Variants in ATG7 observed in about 807,000 individuals in gnomAD.
ATG7 encodes the protein autophagy related 7, also known as ubiquitin-like modifier-activating enzyme ATG7.
ATG7 carries 70 observed loss-of-function variants against 82.4 expected under a neutral mutation model. That is an observed-to-expected ratio of 0.85 (90% CI 0.70 to 1.04). ATG7 has a LOEUF of 1.04. Among genes scored for constraint, ATG7 ranks in the 50% least tolerant of loss-of-function variants. ATG7 has a pLI of 0.00. For synonymous variants in ATG7, 287 were observed against 313.0 expected, an observed-to-expected ratio of 0.92 and a Z score of 0.88; for missense variants, 792 against 864.3, an observed-to-expected ratio of 0.92 and a Z score of 1.05.
At chr3:11,480,387 A>G (rs1195523113) in intron 20 of ATG7, among the ~76,000 whole-genome samples, 1 of 151,908 alleles carries the variant, frequency 6.6e-6, no homozygotes, top group Non-Finnish European at 1.5e-5. Context: ...AACATTTAAG[A>G]TTGGCTGGGC....
At chr3:11,566,589 C>T in the ATG7 span, among the ~76,000 whole-genome samples, 2 of 152,164 alleles carry the variant, frequency 1.3e-5, no homozygotes, top group Admixed American at 6.5e-5. Context: ...TGTTGTGTTC[C>T]GTAGTTCCAA....
intron 14 of ATG7, among the ~76,000 whole-genome samples, chr3:11,357,981 C>G (rs1036240421): frequency 1.3e-5 from 2 of 149,796 alleles, no homozygotes; most frequent in African/African-American, 2.5e-5. Flanking sequence ...TGCCCTCTAG[C>G]CTGGGTGACA....
intron 20 of ATG7, among the ~76,000 whole-genome samples, chr3:11,490,974 A>G (rs2090286954): frequency 6.6e-6 from 1 of 152,122 alleles, no homozygotes; most frequent in African/African-American, 2.4e-5. Context: ...CTTGAGGAGT[A>G]TCTTTGTGGT....
intron 7 of ATG7, among the ~76,000 whole-genome samples, chr3:11,310,221 C>CT (rs1948434072): frequency 6.6e-6 from 1 of 151,904 alleles, no homozygotes; most frequent in African/African-American, 2.4e-5. Context: ...CCATATTGAT[C>CT]TTTTCTCCTG....
At chr3:11,328,807 C>T (rs1318430078) in intron 9 of ATG7, among the ~76,000 whole-genome samples, 1 of 152,170 alleles carries the variant, frequency 6.6e-6, no homozygotes, top group African/African-American at 2.4e-5. Context: ...AATATTTAGG[C>T]CAGGCGCAGT....
chr3:11,313,839 A>G (rs974291072), intron 8 of ATG7, among the ~76,000 whole-genome samples: 4 of 152,170 alleles, frequency 2.6e-5, no homozygotes, highest in African/African-American at 7.2e-5. Flanking sequence ...GGCTCAAGCA[A>G]TCTGTCCACC....
At chr3:11,526,829 A>G (rs976135981) in intron 20 of ATG7, among the ~76,000 whole-genome samples, 4 of 152,192 alleles carry the variant, frequency 2.6e-5, no homozygotes, top group African/African-American at 9.6e-5. Flanking sequence ...GAATGAATCT[A>G]AAGTTTTACC....
chr3:11,503,179 C>A (rs1302893065), intron 20 of ATG7, among the ~76,000 whole-genome samples: 6 of 152,096 alleles, frequency 3.9e-5, no homozygotes, highest in East Asian at 1.9e-4. Context: ...GAATGACAGT[C>A]GGCCAGATGA....
At chr3:11,407,150 G>A (rs1328998370) in intron 19 of ATG7, among the ~76,000 whole-genome samples, 1 of 152,206 alleles carries the variant, frequency 6.6e-6, no homozygotes, top group Non-Finnish European at 1.5e-5. Context: ...GGTACATACA[G>A]CCATTCCAAA....
Position 11,298,862 on chromosome 3 carries a change from G to T in ATG7, c.160+7G>T. ...AAGGGTTATTACTACAATGGTAGGT[G>T]ATTGTAAATTTCATTTTCCATCATC... On this transcript the variant is annotated splice_region_variant and intron_variant, in intron 4 of 20. Transcript: ENST00000693202. 10 of 1,613,830 alleles carry T rather than the reference G, an allele frequency of 6.2e-6. No homozygotes were observed. The highest frequency in any genetic ancestry group is 8.5e-6 in the Non-Finnish European group (10 of 1,179,788).
chr3:11,348,893 A>T (rs1450485613), intron 14 of ATG7: 2 of 152,208 alleles, frequency 1.3e-5, no homozygotes, highest in Non-Finnish European at 2.9e-5. Flanking sequence ...ACAATCCTTT[A>T]GCTAGACATA....
intron 20 of ATG7, among the ~76,000 whole-genome samples, chr3:11,483,188 C>T (rs114214294): frequency 0.011 from 1,708 of 152,264 alleles, 31 homozygotes; most frequent in African/African-American, 0.039. Flanking sequence ...CTCCCCGTCC[C>T]CCTGCCCCTA....
intron 20 of ATG7, among the ~76,000 whole-genome samples, chr3:11,538,677 TAAAAAAAAAAAAAAAAA>T (rs560029572): frequency 2.1e-5 from 1 of 47,648 alleles, no homozygotes. Flanking sequence ...ACTCCGTCTC[TAAAAAAAAAAAAAAAAA>T]AAAAAAAAAA....
At chr3:11,481,909 G>C (rs765201892) in intron 20 of ATG7, among the ~76,000 whole-genome samples, 5 of 152,172 alleles carry the variant, frequency 3.3e-5, no homozygotes, top group Admixed American at 6.5e-5. Flanking sequence ...GCCCAAACAC[G>C]GGAATGTTTG....
chr3:11,436,747 A>C (rs894651613), intron 20 of ATG7, among the ~76,000 whole-genome samples: 1 of 152,242 alleles, frequency 6.6e-6, no homozygotes, highest in Non-Finnish European at 1.5e-5. Flanking sequence ...AGGAAGTACT[A>C]ATACATGTTA....
At chr3:11,462,915 T>C (rs1445977675) in intron 20 of ATG7, among the ~76,000 whole-genome samples, 7 of 151,554 alleles carry the variant, frequency 4.6e-5, no homozygotes, top group Non-Finnish European at 1.5e-5. Context: ...GACAGAGTTT[T>C]GCTCTTGTTG....
rs1452415508 is a variant in ATG7, at chr3:11,282,380, C to G, written c.-69C>G. ...AGTTTGAAGACTGTGGATGTGACTG[C>G]TTGTTCCCTGGTTGACACACTGAAG... On this transcript the variant is annotated 5_prime_UTR_variant, in exon 3 of 21. Transcript: ENST00000693202. 2 of 152,224 alleles carry G rather than the reference C, an allele frequency of 1.3e-5. No individual in the cohort carries two copies. Among genetic ancestry groups the G allele is most frequent in the African/African-American group, 2.4e-5 (1 of 41,448 alleles). 9.4% of individuals were successfully genotyped at this position (152,224 alleles called of 1,614,324 possible). A position where few individuals can be genotyped will look rare whatever the true frequency, so the allele number is the denominator to read the frequency against.
At chr3:11,470,084 C>T (rs770220169) in intron 20 of ATG7, among the ~76,000 whole-genome samples, 7 of 150,876 alleles carry the variant, frequency 4.6e-5, no homozygotes, top group African/African-American at 1.5e-4. Context: ...GTGCTTACAA[C>T]GAAATTCAGT....
intron 19 of ATG7, among the ~76,000 whole-genome samples, chr3:11,405,505 T>C (rs893120013): frequency 3.9e-5 from 6 of 152,252 alleles, no homozygotes; most frequent in African/African-American, 1.4e-4. Context: ...CAGAGGTTCT[T>C]ACTCCACTAT....
Sources: gnomAD v4.1 joint callset for allele counts (sites outside exome capture counted in the v4.1 genomes callset) on GRCh38, gnomAD v4.1.1 for gene constraint, MANE v1.5 for transcripts, NCBI Gene and HGNC (gene_info 2026-07-23, HGNC 2026-07-21) for gene names.